The following TRAK1 variants were observed in gnomAD, a reference collection of about 807,000 sequenced individuals.
TRAK1 encodes trafficking kinesin-binding protein 1.
A neutral mutation model predicts 92.1 loss-of-function variants in TRAK1; 33 were observed. That is an observed-to-expected ratio of 0.36 (90% CI 0.27 to 0.48). The LOEUF is 0.48. Among genes scored for constraint, TRAK1 ranks in the 20% least tolerant of loss-of-function variants. The probability of loss-of-function intolerance (pLI) is 0.99; values close to 1 mark genes in which losing one functional copy is unlikely to be tolerated. For missense variants in TRAK1, 1,123 were observed against 1,257.9 expected (o/e 0.89, Z 1.62); for synonymous variants, 521 against 517.3 (o/e 1.01, Z -0.10).
At chr3:42,048,840 C>A (rs1702866058) in intron 1 of TRAK1, among the ~76,000 whole-genome samples, 1 of 151,834 alleles carries the variant, frequency 6.6e-6, no homozygotes, top group African/African-American at 2.4e-5. Flanking sequence ...GCTGGGATTA[C>A]AGATGTGAGC....
chr3:42,182,851 G>T (rs4267622), intron 3 of TRAK1, among the ~76,000 whole-genome samples: 115,774 of 152,054 alleles, frequency 0.76, 44,394 homozygotes, highest in East Asian at 0.99. Flanking sequence ...AAATAAAAGC[G>T]GATTTTTCTC....
intron 12 of TRAK1, among the ~76,000 whole-genome samples, chr3:42,201,375 G>A (rs1235440825): frequency 6.6e-6 from 1 of 151,936 alleles, no homozygotes; most frequent in Non-Finnish European, 1.5e-5. Context: ...CAGGAGAATC[G>A]CTTGAACCCG....
intron 1 of TRAK1, among the ~76,000 whole-genome samples, chr3:42,065,508 G>T (rs1308877209): frequency 3.3e-5 from 5 of 151,948 alleles, no homozygotes; most frequent in African/African-American, 9.7e-5. Context: ...TCAGATTTGG[G>T]GTACTCAGCT....
chr3:42,137,485 C>CA (rs1559818341), intron 2 of TRAK1, among the ~76,000 whole-genome samples: 1 of 152,152 alleles, frequency 6.6e-6, no homozygotes, highest in Non-Finnish European at 1.5e-5. Context: ...TGGAAAATAA[C>CA]AAACAGGTAA....
At chr3:42,199,523 A>T (rs767250564) in intron 11 of TRAK1, among the ~76,000 whole-genome samples, 2 of 152,208 alleles carry the variant, frequency 1.3e-5, no homozygotes, top group Non-Finnish European at 2.9e-5. Context: ...TGGTGTGATC[A>T]TAGCTCACTG....
At chr3:42,185,815 G>C (rs1704734212) in intron 4 of TRAK1, among the ~76,000 whole-genome samples, 1 of 151,048 alleles carries the variant, frequency 6.6e-6, no homozygotes, top group Admixed American at 6.6e-5. Context: ...GGGATTACAG[G>C]TGCCTGCCAC....
chr3:42,032,492 A>G (rs74396540), intron 1 of TRAK1, among the ~76,000 whole-genome samples: 1 of 152,238 alleles, frequency 6.6e-6, no homozygotes, highest in Admixed American at 6.5e-5. Flanking sequence ...AAAAAAAAAA[A>G]AAAACCATCT....
chr3:42,043,577 C>G (rs1032775018), intron 1 of TRAK1, among the ~76,000 whole-genome samples: 1 of 151,880 alleles, frequency 6.6e-6, no homozygotes, highest in African/African-American at 2.4e-5. Flanking sequence ...GTGTGTTTTT[C>G]CAGCTCCAGA....
intron 2 of TRAK1, among the ~76,000 whole-genome samples, chr3:42,176,358 G>T (rs1703210612): frequency 6.6e-6 from 1 of 152,184 alleles, no homozygotes; most frequent in South Asian, 2.1e-4. Flanking sequence ...TAATAATTAT[G>T]CCAACAGCTG....
upstream of TRAK1, among the ~76,000 whole-genome samples, chr3:42,085,239 C>G (rs1038897028): frequency 5.3e-5 from 8 of 152,140 alleles, no homozygotes; most frequent in African/African-American, 1.7e-4. Flanking sequence ...ATGATCTTGG[C>G]TCACTGCAAG....
chr3:42,096,888 G>C (rs1286187948), intron 1 of TRAK1, among the ~76,000 whole-genome samples: 1 of 152,246 alleles, frequency 6.6e-6, no homozygotes, highest in Non-Finnish European at 1.5e-5. Context: ...GGCTTAAACA[G>C]TGTGCAACAA....
At chr3:42,092,951 A>T (rs1705326316) in intron 1 of TRAK1, among the ~76,000 whole-genome samples, 1 of 152,172 alleles carries the variant, frequency 6.6e-6, no homozygotes, top group African/African-American at 2.4e-5. Flanking sequence ...CTCTGAAAAC[A>T]TGCTCAAATA....
intron 3 of TRAK1, among the ~76,000 whole-genome samples, chr3:42,178,394 T>G (rs573380213): frequency 1.5e-4 from 23 of 152,218 alleles, no homozygotes; most frequent in Non-Finnish European, 3.1e-4. Flanking sequence ...TCACTGTCAC[T>G]GGGGACATGG....
upstream of TRAK1, among the ~76,000 whole-genome samples, chr3:42,084,570 G>T (rs1341085708): frequency 1.3e-5 from 2 of 151,948 alleles, no homozygotes; most frequent in Non-Finnish European, 2.9e-5. Flanking sequence ...GGGCCCCACT[G>T]GGGGTGGGTT....
At chr3:42,126,565 T>G (rs1710587795) in intron 2 of TRAK1, among the ~76,000 whole-genome samples, 1 of 152,234 alleles carries the variant, frequency 6.6e-6, no homozygotes, top group Non-Finnish European at 1.5e-5. Context: ...ATTCAAAATG[T>G]GCCTTTTTAG....
At chr3:42,091,177 T>C, upstream of TRAK1, 1 of 376,836 alleles carries the variant, frequency 2.7e-6, no homozygotes, top group South Asian at 3.6e-5. Context: ...CAAAGCCCCG[T>C]TCTCCTTGCT....
At chr3:42,096,827 G>C (rs1458228109) in intron 1 of TRAK1, among the ~76,000 whole-genome samples, 1 of 152,188 alleles carries the variant, frequency 6.6e-6, no homozygotes, top group Non-Finnish European at 1.5e-5. Context: ...TTCAGTTCTT[G>C]CATTTTAAAT....
At chr3:42,092,065 C>T (rs1022592825) in intron 1 of TRAK1, among the ~76,000 whole-genome samples, 2 of 152,182 alleles carry the variant, frequency 1.3e-5, no homozygotes, top group African/African-American at 2.4e-5. Flanking sequence ...CTGTCTCCCT[C>T]CCTCTCTCCC....
At chr3:42,066,124 A>G (rs6775638) in intron 1 of TRAK1, among the ~76,000 whole-genome samples, 3,141 of 152,250 alleles carry the variant, frequency 0.021, 120 homozygotes, top group African/African-American at 0.072. Flanking sequence ...CCAGGAGTTC[A>G]AGACTGGCCT....
Sources: allele counts gnomAD v4.1 joint callset (sites outside exome capture counted in the v4.1 genomes callset), GRCh38; gene constraint gnomAD v4.1.1; transcripts MANE v1.5; gene names NCBI Gene and HGNC (gene_info 2026-07-23, HGNC 2026-07-21).